The following ITPR3 variants were observed in gnomAD, a reference collection of about 807,000 sequenced individuals.
The protein encoded by ITPR3 is inositol 1,4,5-trisphosphate receptor type 3.
Under a neutral mutation model 293.2 loss-of-function variants are expected in ITPR3, and 173 were observed. That is an observed-to-expected ratio of 0.59 (90% CI 0.52 to 0.67). The LOEUF is 0.67. Ranked by LOEUF, ITPR3 falls within the 30% of genes least tolerant of loss-of-function variation. ITPR3 has a pLI of 0.00. For missense variants in ITPR3, 2,796 were observed against 3,592.1 expected (o/e 0.78, Z 5.66); for synonymous variants, 1,295 against 1,444.4 (o/e 0.90, Z 2.35).
At position 33,688,874 on chromosome 6, in the gene ITPR3, G is replaced by A. The variant is rs578135640; in HGVS notation, c.6694+93G>A. 2.8e-3 allele frequency: 4,305 copies of A among 1,548,776 alleles called. 21 individuals are homozygous for A. The highest frequency in any genetic ancestry group is 3.6e-3 in the Non-Finnish European group (4,029 of 1,125,966). On this transcript the variant is annotated intron_variant, in intron 49 of 57. Transcript: ENST00000605930. ...AGCCTTGAGGCCAGCTGGCCTCTGA[G>A]GGCACCAGATGCAGAGTGTGCAGAA...
Position 33,686,106 on chromosome 6 carries a change from G to A in ITPR3, c.5721G>A (p.Thr1907=), listed in dbSNP as rs189648121. Reference sequence around the variant, plus strand: ...CCAACTACAACTTGGTATGCGAGACGCTGCAGTTCCTGGACATCATGTGCG... The same window carrying A: ...CCAACTACAACTTGGTATGCGAGACACTGCAGTTCCTGGACATCATGTGCG... ...NKTNYNLVCE[T]LQFLDIMCGS... Residue 1907 remains threonine (T), a synonymous_variant, in exon 42 of 58, where the codon ACG becomes ACA. Transcript: ENST00000605930. The A allele has an allele frequency of 2.4e-4, 389 of 1,614,186 alleles. 4 individuals are homozygous for A. The East Asian group carries it at 8.3e-3, about 34-fold the overall frequency.
At chr6:33,673,788 G>A (rs750597667) in intron 23 of ITPR3, 68 bp downstream of exon 23, 14 of 1,572,024 alleles carry the variant, frequency 8.9e-6, no homozygotes, top group Admixed American at 3.5e-5. Flanking sequence ...CAGTGGGGTG[G>A]AGCCAGCTCC....
At chr6:33,693,253 A>T (rs1205146148) in intron 55 of ITPR3, among the ~76,000 whole-genome samples, 1 of 152,056 alleles carries the variant, frequency 6.6e-6, no homozygotes, top group Non-Finnish European at 1.5e-5. Flanking sequence ...GGCCTGTAGG[A>T]CCTCGCTCAT....
chr6:33,658,315 G>T lies in ITPR3; in HGVS notation c.369+297G>T, dbSNP rs959463411. 1.3e-5 allele frequency among the ~76,000 whole-genome samples: 2 copies of T among 152,112 alleles called. No homozygotes were observed. Among genetic ancestry groups the T allele is most frequent in the Non-Finnish European group, 2.9e-5 (2 of 68,016 alleles). On this transcript the variant is annotated intron_variant, in intron 4 of 57. Coordinates refer to ENST00000605930, the MANE Select transcript of ITPR3 (RefSeq NM_002224.4). The surrounding 1 kb of genome is among the most constrained non-coding windows in gnomAD (Gnocchi z 6.1). ...CTGCCACTCCTAATGGTGTAACTTG[G>T]GCAAGTTACCTAACGTCCCCTGGCG...
In ITPR3 at chr6:33,695,085, GGT is replaced by G. The variant is rs1319148338; in HGVS notation, c.7947+4_7947+5del. On this transcript the variant is annotated splice_donor_variant, in intron 57 of 57. Transcript: ENST00000605930. LOFTEE classifies it high-confidence loss of function. Reference sequence around the variant, plus strand: ...CCCAGCTCAACGAGCTCAAGGAGCAGGTGTGCACCCCGCCTGATCCCAGGCCC... The same window carrying G: ...CCCAGCTCAACGAGCTCAAGGAGCAGGTGCACCCCGCCTGATCCCAGGCCC... The G allele has an allele frequency of 3.7e-6, 6 of 1,613,370 alleles. No homozygotes were observed. The highest frequency in any genetic ancestry group is 5.1e-6 in the Non-Finnish European group (6 of 1,179,912).
At chr6:33,634,326 T>TG (rs1041805189) in intron 1 of ITPR3, among the ~76,000 whole-genome samples, 1 of 152,068 alleles carries the variant, frequency 6.6e-6, no homozygotes, top group African/African-American at 2.4e-5. Flanking sequence ...TGGAGGTTCT[T>TG]GGGGGACACA....
rs1331071827 is a variant in ITPR3, at chr6:33,683,843, A to G, written c.4789-177A>G. Among the ~76,000 whole-genome samples the G allele has an allele frequency of 2.6e-5, 4 of 152,150 alleles. No individual in the cohort carries two copies. Among genetic ancestry groups the G allele is most frequent in the African/African-American group, 9.7e-5 (4 of 41,434 alleles). ...AGAGAAGCCAGGCTTGGCAGCTCCC[A>G]GCCAGGGCTCTGAGCAGACAGACAT... is the stretch of plus-strand genomic sequence containing the variant. On this transcript the variant is annotated intron_variant, in intron 35 of 57. Coordinates refer to ENST00000605930, the MANE Select transcript of ITPR3 (RefSeq NM_002224.4). The surrounding 1 kb of genome is among the most constrained non-coding windows in gnomAD (Gnocchi z 4.5).
At chr6:33,644,801 T>C (rs569980282) in intron 2 of ITPR3, among the ~76,000 whole-genome samples, 40 of 151,370 alleles carry the variant, frequency 2.6e-4, no homozygotes, top group African/African-American at 7.0e-4. Flanking sequence ...GTAGCTGAGA[T>C]TACAGGTGCG....
At chr6:33,625,937 G>C (rs1398056262) in intron 1 of ITPR3, among the ~76,000 whole-genome samples, 1 of 152,132 alleles carries the variant, frequency 6.6e-6, no homozygotes, top group Non-Finnish European at 1.5e-5. Flanking sequence ...TTGTTGGGTG[G>C]TTTCTGTTTT....
Position 33,683,087 on chromosome 6 carries a change from G to C in ITPR3, c.4598-120G>C. On this transcript the variant is annotated intron_variant, in intron 34 of 57. Transcript: ENST00000605930. This position sits in a 1 kb window ranked among gnomAD's most constrained non-coding sequence, Gnocchi z 4.5. ...ATAGGCCGGGGTGGGGGGGGTCTCT[G>C]TCTCCCAGACCCTTGGTCTAGTTCA... is the stretch of plus-strand genomic sequence containing the variant. The C allele has an allele frequency of 4.2e-6, 3 of 706,714 alleles. No homozygotes were observed. The highest frequency in any genetic ancestry group is 6.5e-6 in the Non-Finnish European group (3 of 464,480). The allele number at this position is 706,714 out of a possible 1,614,324, so 43.8% of individuals were successfully genotyped here. A position where few individuals can be genotyped will look rare whatever the true frequency, so the allele number is the denominator to read the frequency against.
At chr6:33,665,458 A>T (rs1764585545) in intron 13 of ITPR3, among the ~76,000 whole-genome samples, 1 of 152,186 alleles carries the variant, frequency 6.6e-6, no homozygotes, top group Non-Finnish European at 1.5e-5. Flanking sequence ...GCCAGTTATG[A>T]TGGGTCTGAG....
At position 33,671,297 on chromosome 6, in the gene ITPR3, G is replaced by A; in HGVS notation, c.2719G>A (p.Asp907Asn). 6.2e-7 allele frequency: 1 copy of A among 1,612,122 alleles called. No individual in the cohort carries two copies. The highest frequency in any genetic ancestry group is 2.2e-5 in the East Asian group (1 of 44,852). ...GPPAMLQAYE[D>N]PGGKNVRRSI... ...CCCGGCCATGCTGCAGGCCTATGAG[G>A]ACCCCGGTGGTGAGGCCTTTGCCCG... Residue 907 changes from aspartate to asparagine, a missense_variant, in exon 21 of 58, where the codon GAC becomes AAC. Transcript: ENST00000605930.
At position 33,685,536 on chromosome 6, in the gene ITPR3, CA is replaced by C. The variant is rs745324611; in HGVS notation, c.5482+4del. ...GCCAGTCGACCCCACCACCAAAGGT[CA>C]GGGGTCTGAGGCAGAGGCACGGCGT... On this transcript the variant is annotated splice_donor_region_variant and intron_variant, in intron 40 of 57. Coordinates refer to ENST00000605930, the MANE Select transcript of ITPR3 (RefSeq NM_002224.4). 23 of 1,612,272 alleles carry C rather than the reference CA, an allele frequency of 1.4e-5. No individual in the cohort carries two copies. Among genetic ancestry groups the C allele is most frequent in the Non-Finnish European group, 2.0e-5 (23 of 1,178,630 alleles).
At position 33,670,853 on chromosome 6, in the gene ITPR3, A is replaced by G; in HGVS notation, c.2586+38A>G. 1 of 1,604,374 alleles carries G rather than the reference A, an allele frequency of 6.2e-7. No homozygotes were observed. The highest frequency in any genetic ancestry group is 8.5e-7 in the Non-Finnish European group (1 of 1,176,696). ...GTGCCCAGGGGCTGGGGGTCCGTGG[A>G]GCTCTTGTTGGCCCCACACTGGCCT... On this transcript the variant is annotated intron_variant, in intron 20 of 57. Coordinates refer to ENST00000605930, the MANE Select transcript of ITPR3 (RefSeq NM_002224.4). The surrounding 1 kb of genome is among the most constrained non-coding windows in gnomAD (Gnocchi z 6.7).
At position 33,683,723 on chromosome 6, in the gene ITPR3, C is replaced by T. The variant is rs1019596416; in HGVS notation, c.4789-297C>T. ...CATTTCTGTGCGCTGTCTCGTTGGC[C>T]TGTAGAGGGGGTGTGGTGGATTATT... On this transcript the variant is annotated intron_variant, in intron 35 of 57. Coordinates refer to ENST00000605930, the MANE Select transcript of ITPR3 (RefSeq NM_002224.4). This position sits in a 1 kb window ranked among gnomAD's most constrained non-coding sequence, Gnocchi z 4.5. Among the ~76,000 whole-genome samples the T allele has an allele frequency of 1.3e-5, 2 of 152,166 alleles. No individual in the cohort carries two copies. Among genetic ancestry groups the T allele is most frequent in the Admixed American group, 1.3e-4 (2 of 15,290 alleles).
intron 28 of ITPR3, 151 bp downstream of exon 28, chr6:33,677,780 C>T (rs1289402619): frequency 1.1e-6 from 1 of 884,296 alleles, no homozygotes. Flanking sequence ...ACCTTGACCC[C>T]TGAACCCTGT....
At chr6:33,646,382 A>C in intron 2 of ITPR3, among the ~76,000 whole-genome samples, 2 of 91,206 alleles carry the variant, frequency 2.2e-5, no homozygotes, top group African/African-American at 4.4e-5. Context: ...CACCCCCTCC[A>C]CCACTGCCTC....
chr6:33,681,108 C>T (rs931802871), intron 33 of ITPR3, among the ~76,000 whole-genome samples: 16 of 152,246 alleles, frequency 1.1e-4, no homozygotes, highest in African/African-American at 3.1e-4. Context: ...TGTGAACCAC[C>T]GCGCCCGGCC....
At chr6:33,677,356 T>C in intron 27 of ITPR3, 148 bp from the exon 28 acceptor site, 1 of 1,068,142 alleles carries the variant, frequency 9.4e-7, no homozygotes, top group Admixed American at 2.5e-5. Flanking sequence ...AGTGCTTCCC[T>C]AGCCTGTTGC....
Sources: gnomAD v4.1 joint callset for allele counts (sites outside exome capture counted in the v4.1 genomes callset) on GRCh38, gnomAD v4.1.1 for gene constraint, Gnocchi (gnomAD v3.1) non-coding constraint, MANE v1.5 for transcripts, NCBI Gene and HGNC (gene_info 2026-07-23, HGNC 2026-07-21) for gene names.